Variants in PHEX observed in about 807,000 individuals in gnomAD.
PHEX encodes phosphate-regulating neutral endopeptidase PHEX.
PHEX carries 16 observed loss-of-function variants against 68.0 expected under a neutral mutation model. That is an observed-to-expected ratio of 0.24 (90% CI 0.16 to 0.36). The LOEUF is 0.36. PHEX is among the 10% of genes least tolerant of loss of function. PHEX has a pLI of 1.00. For synonymous variants in PHEX, 208 were observed against 205.1 expected (o/e 1.01, Z -0.12); for missense variants, 480 against 575.5 (o/e 0.83, Z 1.70).
At chrX:22,061,885 TGTAAA>T (rs1928381787) in intron 3 of PHEX, among the ~76,000 whole-genome samples, 1 of 111,641 alleles carries the variant, frequency 9.0e-6, no homozygotes, top group Non-Finnish European at 1.9e-5. Flanking sequence ...CTGGGTAACT[TGTAAA>T]GGAAAGAGGT....
intron 11 of PHEX, among the ~76,000 whole-genome samples, chrX:22,123,833 C>CT (rs755194382): frequency 0.017 from 1,433 of 83,001 alleles, 35 homozygotes; most frequent in African/African-American, 0.091. Context: ...ATTTCTTTTT[C>CT]TTTTTTTTTT....
At chrX:22,099,394 G>C in intron 9 of PHEX, 2 of 383,434 alleles carry the variant, frequency 5.2e-6, no homozygotes, top group Non-Finnish European at 4.6e-6. Context: ...TGTTCTCTTT[G>C]AGATCCTAAA....
chrX:22,165,395 A>G (rs756490730), intron 12 of PHEX, among the ~76,000 whole-genome samples: 1 of 111,983 alleles, frequency 8.9e-6, no homozygotes, highest in South Asian at 3.7e-4. Flanking sequence ...CTGATCCTGC[A>G]GGGAACTTTG....
intron 3 of PHEX, among the ~76,000 whole-genome samples, chrX:22,051,967 CT>C (rs918442962): frequency 4.5e-5 from 5 of 111,444 alleles, no homozygotes; most frequent in Non-Finnish European, 9.4e-5. Context: ...AACACTGAAT[CT>C]TTAAATTCTA....
intron 11 of PHEX, among the ~76,000 whole-genome samples, chrX:22,127,365 GT>G (rs1490731578): frequency 7.2e-5 from 8 of 111,148 alleles, no homozygotes; most frequent in Non-Finnish European, 1.5e-4. Context: ...TTCTATTAAT[GT>G]TATATGCTGC....
chrX:22,098,080 T>G (rs949432202), intron 8 of PHEX: 2 of 109,003 alleles, frequency 1.8e-5, no homozygotes, highest in Non-Finnish European at 3.7e-5. Context: ...TGTTGCTGCT[T>G]ATTTCCTCTT....
intron 12 of PHEX, among the ~76,000 whole-genome samples, chrX:22,147,478 C>A (rs1261003790): frequency 1.8e-5 from 2 of 110,344 alleles, no homozygotes; most frequent in African/African-American, 6.6e-5. Context: ...CATTAATAAC[C>A]CCAGGGCCGG....
chrX:22,203,722 A>G (rs757688771), intron 15 of PHEX, among the ~76,000 whole-genome samples: 34 of 111,566 alleles, frequency 3.0e-4, no homozygotes, highest in Non-Finnish European at 6.0e-4. Flanking sequence ...AGCAGGTGCA[A>G]TTTAAACTCT....
intron 7 of PHEX, 52 bp downstream of exon 7, chrX:22,094,151 T>C: frequency 1.4e-6 from 1 of 706,225 alleles, no homozygotes; most frequent in Non-Finnish European, 2.2e-6. Flanking sequence ...TTTCTTTTCC[T>C]TTACTTTCTT....
rs747104904 is a variant in PHEX at position 22,097,184 on chromosome X, C to T, written c.933+146C>T. Reference sequence around the variant, plus strand: ...TTGTCAACAATCACATAAAATATCCCTTGTCTGTGTATTGGGATGCCTTCT... The same window carrying T: ...TTGTCAACAATCACATAAAATATCCTTTGTCTGTGTATTGGGATGCCTTCT... On this transcript the variant is annotated intron_variant, in intron 8 of 21. Transcript: ENST00000379374. 4 of 520,167 alleles carry T rather than the reference C, an allele frequency of 7.7e-6. No individual in the cohort carries two copies. The African/African-American group carries it at 9.2e-5, about 12-fold the overall frequency. 42.9% of individuals were successfully genotyped at this position (520,167 alleles called of 1,213,427 possible).
intron 20 of PHEX, among the ~76,000 whole-genome samples, chrX:22,233,137 C>G (rs1935827135): frequency 8.9e-6 from 1 of 112,160 alleles, no homozygotes; most frequent in African/African-American, 3.3e-5. Context: ...GGCCCTCACT[C>G]TCTCCTGGCT....
intron 20 of PHEX, among the ~76,000 whole-genome samples, chrX:22,234,320 C>T (rs1201159757): frequency 2.7e-5 from 3 of 112,712 alleles, no homozygotes; most frequent in South Asian, 3.7e-4. Context: ...TCGACCACTG[C>T]GCTGGCTGTC....
At chrX:22,086,835 T>C (rs1407693509) in intron 5 of PHEX, among the ~76,000 whole-genome samples, 4 of 112,137 alleles carry the variant, frequency 3.6e-5, no homozygotes, top group African/African-American at 1.3e-4. Context: ...CCAGTTGTAA[T>C]TGGAGAAAAC....
At chrX:22,201,386 T>C (rs967606488) in intron 15 of PHEX, among the ~76,000 whole-genome samples, 38 of 111,481 alleles carry the variant, frequency 3.4e-4, no homozygotes, top group South Asian at 3.8e-4. Flanking sequence ...GAGTTTGCCA[T>C]GTTGGCCAGG....
chrX:22,191,319 C>T (rs1934193578), intron 15 of PHEX, among the ~76,000 whole-genome samples: 1 of 112,487 alleles, frequency 8.9e-6, no homozygotes, highest in Non-Finnish European at 1.9e-5. Flanking sequence ...TGAGCCACTG[C>T]ACCTGGCCTT....
At chrX:22,200,584 G>A (rs748899208) in intron 15 of PHEX, among the ~76,000 whole-genome samples, 4 of 111,009 alleles carry the variant, frequency 3.6e-5, no homozygotes, top group Non-Finnish European at 5.7e-5. Flanking sequence ...ACTCCAGTCT[G>A]GGTGACAGAG....
chrX:22,245,559 T>G, intron 21 of PHEX, 150 bp downstream of exon 21: 1 of 512,749 alleles, frequency 2.0e-6, no homozygotes, highest in Non-Finnish European at 3.5e-6. Flanking sequence ...CCAAAAAATA[T>G]CTGGCCACAC....
intron 20 of PHEX, among the ~76,000 whole-genome samples, chrX:22,237,531 T>C (rs1936023895): frequency 8.9e-6 from 1 of 112,055 alleles, no homozygotes; most frequent in Non-Finnish European, 1.9e-5. Flanking sequence ...CTATAAATAA[T>C]CTAACTAGCC....
chrX:22,186,686 C>G (rs1389788684), intron 14 of PHEX, among the ~76,000 whole-genome samples: 1 of 111,453 alleles, frequency 9.0e-6, no homozygotes, highest in African/African-American at 3.3e-5. Flanking sequence ...TCAATAAGAG[C>G]CCTGGGAGGT....
Sources: gnomAD v4.1 joint callset for allele counts (sites outside exome capture counted in the v4.1 genomes callset) on GRCh38, gnomAD v4.1.1 for gene constraint, MANE v1.5 for transcripts, NCBI Gene and HGNC (gene_info 2026-07-23, HGNC 2026-07-21) for gene names.